PARD3B: variants seen among roughly 807,000 people sequenced by gnomAD.
PARD3B encodes par-3 family cell polarity regulator beta.
PARD3B carries 103 observed loss-of-function variants against 130.2 expected under a neutral mutation model. The observed-to-expected ratio is 0.79, with a 90% CI of 0.67 to 0.93. The LOEUF (loss-of-function observed/expected upper bound fraction) is 0.93, where lower values mean the gene tolerates loss of function less well. Ranked by LOEUF, PARD3B falls within the 40% of genes least tolerant of loss-of-function variation. The probability of loss-of-function intolerance (pLI) is 0.00; values close to 1 mark genes in which losing one functional copy is unlikely to be tolerated. For missense variants in PARD3B, 1,609 were observed against 1,499.2 expected, an observed-to-expected ratio of 1.07 and a Z score of -1.21; for synonymous variants, 583 against 553.2, an observed-to-expected ratio of 1.05 and a Z score of -0.76.
At position 205,405,919 on chromosome 2, in the gene PARD3B, A is replaced by G. The variant is rs968985533; in HGVS notation, c.2741+4796A>G. On this transcript the variant is annotated intron_variant, in intron 19 of 22. Coordinates refer to ENST00000406610, the MANE Select transcript of PARD3B (RefSeq NM_001302769.2). This position sits in a 1 kb window ranked among gnomAD's most constrained non-coding sequence, Gnocchi z 4.1. ...AAGTTTAGCATGAGTCAACATGTGG[A>G]TATGCCTGCCAAAAGCTTAATCTGG... Among the ~76,000 whole-genome samples the G allele has an allele frequency of 2.0e-5, 3 of 152,240 alleles. No homozygotes were observed. Among genetic ancestry groups the G allele is most frequent in the African/African-American group, 2.4e-5 (1 of 41,462 alleles).
At chr2:205,166,122 A>C (rs1357318641) in intron 11 of PARD3B, among the ~76,000 whole-genome samples, 1 of 152,210 alleles carries the variant, frequency 6.6e-6, no homozygotes, top group African/African-American at 2.4e-5. Context: ...AACAGTGTAT[A>C]GTGGACTAGA....
At chr2:204,644,861 A>T (rs1276835295) in intron 1 of PARD3B, among the ~76,000 whole-genome samples, 3 of 152,170 alleles carry the variant, frequency 2.0e-5, no homozygotes, top group Non-Finnish European at 4.4e-5. Flanking sequence ...CTCCCCAGAG[A>T]GCTAGAGAAT....
chr2:204,929,521 A>G (rs1325479087), intron 2 of PARD3B, among the ~76,000 whole-genome samples: 2 of 152,172 alleles, frequency 1.3e-5, no homozygotes, highest in African/African-American at 4.8e-5. Context: ...AATGAAATAA[A>G]TATTCTTCCA....
At chr2:204,683,331 A>C (rs1322272350) in intron 1 of PARD3B, among the ~76,000 whole-genome samples, 1 of 152,046 alleles carries the variant, frequency 6.6e-6, no homozygotes, top group East Asian at 1.9e-4. Flanking sequence ...AAATATAGTA[A>C]TTTTTTCCCA....
intron 20 of PARD3B, among the ~76,000 whole-genome samples, chr2:205,485,445 T>C (rs2049400993): frequency 6.6e-6 from 1 of 152,162 alleles, no homozygotes; most frequent in Non-Finnish European, 1.5e-5. Context: ...GCCAATGATT[T>C]TATCAACCAT....
chr2:205,273,992 G>A (rs1433351065), intron 16 of PARD3B, among the ~76,000 whole-genome samples: 10 of 152,160 alleles, frequency 6.6e-5, no homozygotes, highest in Non-Finnish European at 5.9e-5. Context: ...ACACCACCAT[G>A]AGTGTGTGTA....
chr2:205,164,129 CA>C (rs2034666401), intron 11 of PARD3B, among the ~76,000 whole-genome samples: 1 of 152,006 alleles, frequency 6.6e-6, no homozygotes, highest in Non-Finnish European at 1.5e-5. Context: ...ACTATATATC[CA>C]ATAAGAATTT....
intron 4 of PARD3B, among the ~76,000 whole-genome samples, chr2:205,072,354 G>A (rs532705797): frequency 1.8e-4 from 28 of 151,636 alleles, no homozygotes; most frequent in African/African-American, 6.0e-4. Flanking sequence ...GGGTTCAAGC[G>A]ATTCTCCTGC....
At chr2:205,061,883 G>A (rs1017569748) in intron 4 of PARD3B, among the ~76,000 whole-genome samples, 6 of 151,370 alleles carry the variant, frequency 4.0e-5, no homozygotes, top group African/African-American at 7.3e-5. Flanking sequence ...TTCTTCTCTT[G>A]ATATGAAATG....
At chr2:204,961,013 A>T (rs1227169867) in intron 2 of PARD3B, among the ~76,000 whole-genome samples, 1 of 152,198 alleles carries the variant, frequency 6.6e-6, no homozygotes, top group Non-Finnish European at 1.5e-5. Flanking sequence ...ACCCTGAGGC[A>T]GGTACAAAGA....
intron 16 of PARD3B, among the ~76,000 whole-genome samples, chr2:205,250,772 T>C (rs1331485837): frequency 2.6e-5 from 4 of 151,742 alleles, no homozygotes; most frequent in Non-Finnish European, 5.9e-5. Context: ...CTACTAAAAA[T>C]ACAAAAATTA....
At chr2:204,682,995 A>G (rs972581821) in intron 1 of PARD3B, among the ~76,000 whole-genome samples, 1 of 152,184 alleles carries the variant, frequency 6.6e-6, no homozygotes, top group Non-Finnish European at 1.5e-5. Flanking sequence ...ACATTTGATC[A>G]TTAAAAATAA....
rs2042761290 is a variant in PARD3B, at chr2:205,321,786, T to C, written c.2630+20085T>C. On this transcript the variant is annotated intron_variant, in intron 18 of 22. Transcript: ENST00000406610. This position sits in a 1 kb window ranked among gnomAD's most constrained non-coding sequence, Gnocchi z 4.2. Reference sequence around the variant, plus strand: ...TTTATCACTATCTAATCTAAAAACATAAATTAAGTCAGTGTTGACTCCTGG... The same window carrying C: ...TTTATCACTATCTAATCTAAAAACACAAATTAAGTCAGTGTTGACTCCTGG... Among the ~76,000 whole-genome samples the C allele has an allele frequency of 6.6e-6, 1 of 152,194 alleles. No homozygotes were observed. Among genetic ancestry groups the C allele is most frequent in the Non-Finnish European group, 1.5e-5 (1 of 68,022 alleles).
At chr2:205,040,323 C>T (rs1698306795) in intron 3 of PARD3B, among the ~76,000 whole-genome samples, 1 of 152,182 alleles carries the variant, frequency 6.6e-6, no homozygotes, top group African/African-American at 2.4e-5. Context: ...TCTACACTGG[C>T]ACTTTGTTGC....
chr2:205,484,765 A>G (rs2049373180), intron 20 of PARD3B, among the ~76,000 whole-genome samples: 1 of 152,174 alleles, frequency 6.6e-6, no homozygotes, highest in Non-Finnish European at 1.5e-5. Context: ...GAAGTGCCAG[A>G]AAAAAAGATA....
intron 21 of PARD3B, among the ~76,000 whole-genome samples, chr2:205,526,194 A>G (rs1338145684): frequency 2.6e-5 from 4 of 152,132 alleles, no homozygotes; most frequent in Non-Finnish European, 5.9e-5. Flanking sequence ...TCTCAGATCC[A>G]TCTTTTTATC....
intron 3 of PARD3B, among the ~76,000 whole-genome samples, chr2:204,972,742 C>G (rs565962021): frequency 6.6e-5 from 10 of 152,294 alleles, no homozygotes; most frequent in Admixed American, 2.6e-4. Context: ...ACCATCTCCC[C>G]TTTGGCCTCT....
intron 2 of PARD3B, among the ~76,000 whole-genome samples, chr2:204,772,829 C>T (rs1249328969): frequency 6.6e-6 from 1 of 152,052 alleles, no homozygotes; most frequent in Non-Finnish European, 1.5e-5. Context: ...ACAGCTATCT[C>T]TAAGAAATGT....
intron 2 of PARD3B, among the ~76,000 whole-genome samples, chr2:204,730,585 G>GAAA (rs201459754): frequency 4.6e-4 from 62 of 134,712 alleles, no homozygotes; most frequent in African/African-American, 7.7e-4. Context: ...AAAAAAAAAA[G>GAAA]AAAAAAAAAA....
Sources: allele counts gnomAD v4.1 joint callset (sites outside exome capture counted in the v4.1 genomes callset), GRCh38; gene constraint gnomAD v4.1.1; non-coding constraint Gnocchi (gnomAD v3.1); transcripts MANE v1.5; gene names NCBI Gene and HGNC (gene_info 2026-07-23, HGNC 2026-07-21).